STK3: variants seen among roughly 807,000 people sequenced by gnomAD.
STK3 encodes serine/threonine kinase 3.
STK3 carries 41 observed loss-of-function variants against 58.0 expected under a neutral mutation model. The ratio of observed to expected loss-of-function variants is 0.71; its 90% CI spans 0.55 to 0.92. The LOEUF is 0.92. Among genes scored for constraint, STK3 ranks in the 40% least tolerant of loss-of-function variants. STK3 has a pLI of 0.00. For missense variants in STK3, 479 were observed against 602.7 expected, an observed-to-expected ratio of 0.79 and a Z score of 2.15; for synonymous variants, 170 against 191.0, an observed-to-expected ratio of 0.89 and a Z score of 0.91.
chr8:98,616,904 G>A lies in STK3; in HGVS notation c.685-20735C>T, dbSNP rs982456705. Among the ~76,000 whole-genome samples, 27 of 151,826 alleles carry A rather than the reference G, an allele frequency of 1.8e-4. 1 individual carries two copies. The highest frequency in any genetic ancestry group is 5.9e-4 in the Admixed American group (9 of 15,236). On this transcript the variant is annotated intron_variant, in intron 6 of 10. Transcript: ENST00000419617. ...CACTGTCAACATTAGACAGATCAAC[G>A]AGACAGAAAGTCAACAAGGATACCC...
At chr8:98,463,389 A>G (rs1820163227) in intron 10 of STK3, among the ~76,000 whole-genome samples, 1 of 152,112 alleles carries the variant, frequency 6.6e-6, no homozygotes, top group Non-Finnish European at 1.5e-5. Flanking sequence ...TTCTAAAAAA[A>G]AAACCAAGTA....
At chr8:98,617,603 C>A (rs866228425) in intron 6 of STK3, among the ~76,000 whole-genome samples, 5 of 152,062 alleles carry the variant, frequency 3.3e-5, no homozygotes, top group South Asian at 4.2e-4. Context: ...AAAATCAAAT[C>A]GACACAATAA....
At chr8:98,433,068 T>TG (rs1818363846) in intron 3 of STK3, among the ~76,000 whole-genome samples, 1 of 152,106 alleles carries the variant, frequency 6.6e-6, no homozygotes, top group Non-Finnish European at 1.5e-5. Context: ...TGGGTGTTTT[T>TG]TTTGTTTGTT....
intron 2 of STK3, among the ~76,000 whole-genome samples, chr8:98,772,570 G>T (rs1332440064): frequency 6.6e-6 from 1 of 152,028 alleles, no homozygotes; most frequent in Non-Finnish European, 1.5e-5. Context: ...GTGGTGGCAG[G>T]CACCTGTAAT....
At chr8:98,657,219 A>C (rs1312437926) in intron 6 of STK3, among the ~76,000 whole-genome samples, 1 of 152,054 alleles carries the variant, frequency 6.6e-6, no homozygotes, top group Non-Finnish European at 1.5e-5. Flanking sequence ...AGTGCTTTCT[A>C]AGTGCCAGGT....
At chr8:98,630,235 C>T (rs1481988942) in intron 6 of STK3, among the ~76,000 whole-genome samples, 7 of 152,130 alleles carry the variant, frequency 4.6e-5, no homozygotes, top group East Asian at 1.9e-4. Context: ...TGTCTCCTGA[C>T]GTGTTAGTTT....
At chr8:98,430,927 A>C (rs1586558720) in intron 3 of STK3, 1 of 167,252 alleles carries the variant, frequency 6.0e-6, no homozygotes, top group Middle Eastern at 3.4e-3. Flanking sequence ...TCGGTTAACC[A>C]GCACATAACA....
chr8:98,652,603 C>A lies in STK3; in HGVS notation c.684+53864G>T, dbSNP rs573600167. Among the ~76,000 whole-genome samples the A allele has an allele frequency of 3.4e-5, 5 of 145,646 alleles. No individual in the cohort carries two copies. The East Asian group carries it at 7.9e-4, about 23-fold the overall frequency. ...AGGAAACCCATCTCACGTGCAGAGA[C>A]ACACATAGGCTCAAAATAAAAGGAT... On this transcript the variant is annotated intron_variant, in intron 6 of 10. Transcript: ENST00000419617.
chr8:98,455,581 A>G lies in STK3; in HGVS notation c.*261T>C. ...TTTAGAGACCTTGAAAATCCATTTC[A>G]TAACAGTTTTATTACTGGTATGCAG... On this transcript the variant is annotated 3_prime_UTR_variant, in exon 11 of 11. Coordinates refer to ENST00000419617, the MANE Select transcript of STK3 (RefSeq NM_006281.4). The G allele has an allele frequency of 2.2e-6, 1 of 463,994 alleles. No individual in the cohort carries two copies. The allele number at this position is 463,994 out of a possible 1,614,324, so 28.7% of individuals were successfully genotyped here. A position where few individuals can be genotyped will look rare whatever the true frequency, so the allele number is the denominator to read the frequency against.
At chr8:98,928,977 A>G (rs1169295731) in intron 1 of STK3, among the ~76,000 whole-genome samples, 8 of 152,258 alleles carry the variant, frequency 5.3e-5, no homozygotes, top group Non-Finnish European at 1.5e-5. Context: ...TCAAAGCTTG[A>G]CAAACAGGCC....
intron 3 of STK3, among the ~76,000 whole-genome samples, chr8:98,852,983 C>T (rs983560683): frequency 6.6e-6 from 1 of 151,980 alleles, no homozygotes; most frequent in African/African-American, 2.4e-5. Context: ...AAAGGCTCAG[C>T]TTTTATATTC....
At chr8:98,744,083 A>C (rs1290434809) in intron 4 of STK3, among the ~76,000 whole-genome samples, 1 of 152,076 alleles carries the variant, frequency 6.6e-6, no homozygotes, top group Non-Finnish European at 1.5e-5. Flanking sequence ...AGGAAACAAC[A>C]GGTGCTGGAG....
At chr8:98,911,260 TA>T (rs1202857690) in intron 1 of STK3, among the ~76,000 whole-genome samples, 7 of 152,314 alleles carry the variant, frequency 4.6e-5, no homozygotes, top group African/African-American at 1.7e-4. Context: ...ATAAATTAGG[TA>T]GACCACAACT....
At chr8:98,676,542 G>C (rs1823226106) in intron 6 of STK3, among the ~76,000 whole-genome samples, 1 of 151,800 alleles carries the variant, frequency 6.6e-6, no homozygotes, top group South Asian at 2.1e-4. Context: ...GAACCTGAGA[G>C]GCAGAGGTTG....
At chr8:98,502,573 G>A (rs1223394371) in intron 10 of STK3, among the ~76,000 whole-genome samples, 19 of 152,086 alleles carry the variant, frequency 1.2e-4, no homozygotes, top group African/African-American at 1.7e-4. Flanking sequence ...TTTGAGATAC[G>A]TCCCATCAAT....
intron 4 of STK3, among the ~76,000 whole-genome samples, chr8:98,748,839 G>A (rs922625472): frequency 6.7e-5 from 10 of 149,610 alleles, no homozygotes; most frequent in African/African-American, 2.5e-4. Flanking sequence ...ATACAAAAAT[G>A]TTTTTTTTTA....
At chr8:98,463,007 C>G (rs1449467763) in intron 10 of STK3, 1 of 152,186 alleles carries the variant, frequency 6.6e-6, no homozygotes, top group African/African-American at 2.4e-5. Flanking sequence ...CTAATCTTCA[C>G]TGTATCATTC....
At chr8:98,633,421 T>C (rs1819399579) in intron 6 of STK3, 1 of 487,486 alleles carries the variant, frequency 2.1e-6, no homozygotes, top group Non-Finnish European at 3.8e-6. Context: ...TGAAGTTTAC[T>C]TTAGAGAGGA....
chr8:98,896,434 T>C (rs974633501), intron 1 of STK3, among the ~76,000 whole-genome samples: 4 of 152,146 alleles, frequency 2.6e-5, no homozygotes, highest in Non-Finnish European at 5.9e-5. Context: ...TCTCATCCCC[T>C]CCCCAACCCC....
Sources: gnomAD v4.1 joint callset for allele counts (sites outside exome capture counted in the v4.1 genomes callset) on GRCh38, gnomAD v4.1.1 for gene constraint, MANE v1.5 for transcripts, NCBI Gene and HGNC (gene_info 2026-07-23, HGNC 2026-07-21) for gene names.